Variants in ZFYVE16 observed in about 807,000 individuals in gnomAD.
The protein encoded by ZFYVE16 is zinc finger FYVE domain-containing protein 16.
ZFYVE16 carries 89 observed loss-of-function variants against 138.1 expected under a neutral mutation model. The observed-to-expected ratio is 0.64, with a 90% confidence interval of 0.54 to 0.77. The LOEUF (loss-of-function observed/expected upper bound fraction) is 0.77, where lower values mean the gene tolerates loss of function less well. Ranked by LOEUF, ZFYVE16 falls within the 30% of genes least tolerant of loss-of-function variation. The pLI is 0.00. For synonymous variants in ZFYVE16, 596 were observed against 618.3 expected, an observed-to-expected ratio of 0.96 and a Z score of 0.53; for missense variants, 1,793 against 1,786.7, an observed-to-expected ratio of 1.00 and a Z score of -0.06.
chr5:80,455,523 G>C (rs1185528812), intron 11 of ZFYVE16, 169 bp from the exon 12 acceptor site: 1 of 583,472 alleles, frequency 1.7e-6, no homozygotes, highest in African/African-American at 2.0e-5. Context: ...AACAGAGTGA[G>C]ACCTTGTCTC....
chr5:80,413,957 C>T (rs998418425), intron 1 of ZFYVE16, among the ~76,000 whole-genome samples: 1 of 152,170 alleles, frequency 6.6e-6, no homozygotes, highest in South Asian at 2.1e-4. Flanking sequence ...CACTTCCCCT[C>T]TCCCCTCTAT....
intron 2 of ZFYVE16, 145 bp from the exon 3 acceptor site, chr5:80,433,964 C>T (rs1749500359): frequency 6.0e-6 from 3 of 498,756 alleles, no homozygotes; most frequent in East Asian, 6.2e-5. Flanking sequence ...GGCAGTTTCC[C>T]CAACTAAATT....
chr5:80,427,519 T>C lies in ZFYVE16; in HGVS notation c.-66T>C, dbSNP rs955626044. ...TCCTGTGAGGTTTCTCGGGCTTATT[T>C]GGTGGAGTTTCTGTTCCAGACCAGA... is the stretch of plus-strand genomic sequence containing the variant. On this transcript the variant is annotated 5_prime_UTR_variant, in exon 2 of 19. Transcript: ENST00000505560. The C allele has an allele frequency of 9.9e-5, 15 of 151,518 alleles. No homozygotes were observed. The highest frequency in any genetic ancestry group is 2.9e-4 in the African/African-American group (12 of 41,342). 9.4% of individuals were successfully genotyped at this position (151,518 alleles called of 1,614,324 possible). A position where few individuals can be genotyped will look rare whatever the true frequency, so the allele number is the denominator to read the frequency against.
intron 1 of ZFYVE16, among the ~76,000 whole-genome samples, chr5:80,412,122 T>G (rs1745542203): frequency 6.6e-6 from 1 of 152,090 alleles, no homozygotes. Flanking sequence ...ATGTATTTCC[T>G]TTTTTTCTCC....
chr5:80,471,881 G>A (rs945487713), intron 15 of ZFYVE16, among the ~76,000 whole-genome samples: 4 of 152,002 alleles, frequency 2.6e-5, no homozygotes, highest in African/African-American at 7.2e-5. Context: ...GGTGTTTACC[G>A]GTCCACACTA....
intron 1 of ZFYVE16, among the ~76,000 whole-genome samples, chr5:80,425,775 T>C (rs1009933248): frequency 1.3e-5 from 2 of 152,184 alleles, no homozygotes; most frequent in Admixed American, 6.6e-5. Context: ...TTAGGTGATA[T>C]TGTTCTTCCA....
Position 80,481,601 on chromosome 5 carries a change from T to C in ZFYVE16, c.*4224T>C, listed in dbSNP as rs1755272406. Among the ~76,000 whole-genome samples the C allele has an allele frequency of 6.6e-6, 1 of 152,182 alleles. No homozygotes were observed. Among genetic ancestry groups the C allele is most frequent in the Admixed American group, 6.5e-5 (1 of 15,274 alleles). On this transcript the variant is annotated 3_prime_UTR_variant, in exon 19 of 19. Transcript: ENST00000505560. The stretch of plus-strand genomic sequence containing the variant: ...GTGCTCTGAAACTTAACTGAATTGA[T>C]GGTCTGCTAAAACAAAACAAAACAA...
intron 8 of ZFYVE16, 81 bp from the exon 9 acceptor site, chr5:80,449,510 A>AT (rs1404481152): frequency 6.9e-7 from 1 of 1,439,784 alleles, no homozygotes; most frequent in East Asian, 2.4e-5. Flanking sequence ...CCACTGGTGG[A>AT]TTTATAAATT....
At position 80,438,374 on chromosome 5, in the gene ZFYVE16, G is replaced by T. The variant is rs963886199; in HGVS notation, c.1689G>T (p.Gln563His). ...ATGACTCTAAATCGCAAATGAATCA[G>T]ATAGATATGAAAGGCTTAGATGATG... ...NVNDSKSQMN[Q>H]IDMKGLDDGN... Residue 563 changes from glutamine (Q) to histidine (H), a missense_variant, in exon 4 of 19, where the codon CAG (glutamine) becomes CAT (histidine). Physicochemically the swap from Gln to His is conservative, Grantham distance 24. Coordinates refer to ENST00000505560, the MANE Select transcript of ZFYVE16 (RefSeq NM_001284236.3). 11 of 1,613,694 alleles carry T rather than the reference G, an allele frequency of 6.8e-6. No individual in the cohort carries two copies. The highest frequency in any genetic ancestry group is 9.3e-6 in the Non-Finnish European group (11 of 1,179,890).
rs1270005310 is a variant in ZFYVE16 at position 80,432,194 on chromosome 5, G to C, written c.-39-1915G>C. Among the ~76,000 whole-genome samples the C allele has an allele frequency of 1.1e-4, 16 of 152,208 alleles. 1 individual carries two copies. Among genetic ancestry groups the C allele is most frequent in the African/African-American group, 3.6e-4 (15 of 41,550 alleles). On this transcript the variant is annotated intron_variant, in intron 2 of 18. Coordinates refer to ENST00000505560, the MANE Select transcript of ZFYVE16 (RefSeq NM_001284236.3). Reference sequence around the variant, plus strand: ...ACCTGACTTCAAACTATACTACAAGGCTACAGTAACCAAAACAGCATGGTA... The same window carrying C: ...ACCTGACTTCAAACTATACTACAAGCCTACAGTAACCAAAACAGCATGGTA...
intron 15 of ZFYVE16, among the ~76,000 whole-genome samples, chr5:80,465,645 G>A (rs973869532): frequency 3.3e-5 from 5 of 151,794 alleles, no homozygotes; most frequent in Admixed American, 3.3e-4. Context: ...CTGGGCTCAA[G>A]CATTCCTCCT....
chr5:80,443,045 G>T, intron 5 of ZFYVE16, 78 bp from the exon 6 acceptor site: 1 of 1,325,168 alleles, frequency 7.5e-7, no homozygotes, highest in Non-Finnish European at 1.0e-6. Context: ...TTGAAAAATA[G>T]AATATTTATT....
chr5:80,452,736 G>A (rs1752121732), intron 11 of ZFYVE16, among the ~76,000 whole-genome samples: 1 of 152,036 alleles, frequency 6.6e-6, no homozygotes, highest in South Asian at 2.1e-4. Flanking sequence ...TAAAAATTGT[G>A]GTTATTTTTC....
Position 80,472,922 on chromosome 5 carries a change from G to T in ZFYVE16, c.4186G>T (p.Gly1396Ter). 6.3e-7 allele frequency: 1 copy of T among 1,586,644 alleles called. No individual in the cohort carries two copies. The change falls in exon 16 of 19, where the codon GGA (glycine) becomes TGA (stop). Residue 1396 changes from glycine to a stop codon, truncating the protein, a stop_gained and splice_region_variant. Transcript: ENST00000505560. LOFTEE classifies it high-confidence loss of function. ...WVDAEEKGNK[G>*]VISSVDGISL... ...AGATGCTGAAGAAAAAGGAAACAAA[G>T]GGTAGGAATTTTTTTATTCTAAAAT...
chr5:80,426,274 A>ATGTGTGTGTGTGTG (rs1561246358), intron 1 of ZFYVE16, among the ~76,000 whole-genome samples: 1 of 26,166 alleles, frequency 3.8e-5, no homozygotes, highest in African/African-American at 8.6e-5. Flanking sequence ...GTGTGTGTGT[A>ATGTGTGTGTGTGTG]TATATATATA....
Position 80,437,945 on chromosome 5 carries a change from T to G in ZFYVE16, c.1260T>G (p.Ser420Arg). The G allele has an allele frequency of 6.2e-7, 1 of 1,613,866 alleles. No individual in the cohort carries two copies. Among genetic ancestry groups the G allele is most frequent in the Non-Finnish European group, 8.5e-7 (1 of 1,179,812 alleles). Reference protein sequence around the residue: ...AVTIHEEIQNSVVLGGEPFKE... With the variant: ...AVTIHEEIQNRVVLGGEPFKE... ...CTATACATGAAGAAATACAGAACAG[T>G]GTTGTTCTAGGTGGGGAACCATTCA... Residue 420 changes from serine (S) to arginine (R), a missense_variant, in exon 4 of 19, where the codon AGT becomes AGG. Transcript: ENST00000505560.
intron 11 of ZFYVE16, among the ~76,000 whole-genome samples, chr5:80,452,817 T>C (rs376918571): frequency 1.3e-5 from 2 of 152,310 alleles, no homozygotes; most frequent in Non-Finnish European, 2.9e-5. Context: ...GTATCATTCA[T>C]GTGTATGTAC....
intron 15 of ZFYVE16, among the ~76,000 whole-genome samples, chr5:80,465,395 TCTTTG>T: frequency 7.9e-6 from 1 of 126,780 alleles, no homozygotes; most frequent in Non-Finnish European, 1.7e-5. Context: ...TTTTTCCTTT[TCTTTG>T]TTTTTTTTTT....
chr5:80,418,795 C>T (rs780665741), intron 1 of ZFYVE16, among the ~76,000 whole-genome samples: 2 of 152,166 alleles, frequency 1.3e-5, no homozygotes, highest in Middle Eastern at 3.4e-3. Flanking sequence ...TTTTTTCTTT[C>T]GTGGATCATG....
Sources: gnomAD v4.1 joint callset for allele counts (sites outside exome capture counted in the v4.1 genomes callset) on GRCh38, gnomAD v4.1.1 for gene constraint, MANE v1.5 for transcripts, NCBI Gene and HGNC (gene_info 2026-07-23, HGNC 2026-07-21) for gene names.